The following ARHGAP22 variants were observed in gnomAD, a reference collection of about 807,000 sequenced individuals.
The protein encoded by ARHGAP22 is Rho GTPase activating protein 22.
A neutral mutation model predicts 59.1 loss-of-function variants in ARHGAP22; 48 were observed. That is an observed-to-expected ratio of 0.81 (90% CI 0.64 to 1.03). The LOEUF (loss-of-function observed/expected upper bound fraction) is 1.03, where lower values mean the gene tolerates loss of function less well. Among genes scored for constraint, ARHGAP22 ranks in the 50% least tolerant of loss-of-function variants. The probability of loss-of-function intolerance (pLI) is 0.00; values close to 1 mark genes in which losing one functional copy is unlikely to be tolerated. For missense variants in ARHGAP22, 1,015 were observed against 958.7 expected (o/e 1.06, Z -0.78); for synonymous variants, 445 against 416.4 (o/e 1.07, Z -0.84).
chr10:48,578,524 A>ATGTGTGTGTGTG (rs3076347), intron 2 of ARHGAP22, among the ~76,000 whole-genome samples: 2 of 150,070 alleles, frequency 1.3e-5, no homozygotes, highest in African/African-American at 4.9e-5. Context: ...TATGCAGTGT[A>ATGTGTGTGTGTG]TGTGTGTGTG....
chr10:48,567,648 TA>T (rs978857608), intron 2 of ARHGAP22, among the ~76,000 whole-genome samples: 4 of 152,068 alleles, frequency 2.6e-5, no homozygotes, highest in African/African-American at 9.7e-5. Flanking sequence ...GGGGCCATGG[TA>T]TGGGGTTCTG....
chr10:48,516,792 G>A (rs147110855), intron 3 of ARHGAP22, among the ~76,000 whole-genome samples: 1 of 152,090 alleles, frequency 6.6e-6, no homozygotes, highest in Non-Finnish European at 1.5e-5. Context: ...GACATCACAA[G>A]AAAACTACAG....
At chr10:48,638,647 T>C (rs138376046) in intron 1 of ARHGAP22, among the ~76,000 whole-genome samples, 79 of 152,302 alleles carry the variant, frequency 5.2e-4, no homozygotes, top group African/African-American at 1.8e-3. Context: ...TAGTCCCATC[T>C]CCATGCTATT....
chr10:48,621,599 C>A (rs2061288818), intron 1 of ARHGAP22, among the ~76,000 whole-genome samples: 2 of 152,128 alleles, frequency 1.3e-5, no homozygotes, highest in African/African-American at 4.8e-5. Flanking sequence ...TACATTTGAC[C>A]CTGGGTGGCC....
At position 48,450,834 on chromosome 10, in the gene ARHGAP22, AAGG is replaced by A. The variant is rs1173373682; in HGVS notation, c.1292_1294del (p.Ser431del). ...TCCCGATAGGGACCTCGGCTGCCGG[AAGG>A]AGGACTTCCAACTGGGCAGGGTCTG... On this transcript the variant is annotated inframe_deletion, in exon 9 of 10. Transcript: ENST00000249601. 6.3e-7 allele frequency: 1 copy of A among 1,589,210 alleles called. No individual in the cohort carries two copies. Among genetic ancestry groups the A allele is most frequent in the South Asian group, 1.2e-5 (1 of 86,210 alleles).
chr10:48,538,997 A>G (rs1051322880), intron 3 of ARHGAP22, among the ~76,000 whole-genome samples: 5 of 152,230 alleles, frequency 3.3e-5, no homozygotes, highest in Non-Finnish European at 7.3e-5. Context: ...TAAAGTGGGG[A>G]AGAAGAAATG....
intron 1 of ARHGAP22, among the ~76,000 whole-genome samples, chr10:48,619,027 A>G (rs1324888565): frequency 1.3e-5 from 2 of 152,250 alleles, no homozygotes; most frequent in East Asian, 1.9e-4. Flanking sequence ...TCAGCATACA[A>G]AAGCCTATAG....
At chr10:48,554,086 G>A (rs922066897) in intron 3 of ARHGAP22, among the ~76,000 whole-genome samples, 1 of 152,164 alleles carries the variant, frequency 6.6e-6, no homozygotes, top group African/African-American at 2.4e-5. Context: ...CTTCTGATGT[G>A]CAGTTTTACC....
At chr10:48,638,449 T>C (rs2061914620) in intron 1 of ARHGAP22, among the ~76,000 whole-genome samples, 1 of 152,130 alleles carries the variant, frequency 6.6e-6, no homozygotes, top group African/African-American at 2.4e-5. Flanking sequence ...CCCTGGCTTC[T>C]GCAGGATTAC....
intron 2 of ARHGAP22, among the ~76,000 whole-genome samples, chr10:48,576,450 C>T (rs1588897969): frequency 6.6e-6 from 1 of 152,222 alleles, no homozygotes; most frequent in African/African-American, 2.4e-5. Context: ...TATGGACTTA[C>T]ATGAAGATAG....
At chr10:48,576,190 G>A (rs1281967813) in intron 2 of ARHGAP22, among the ~76,000 whole-genome samples, 1 of 152,160 alleles carries the variant, frequency 6.6e-6, no homozygotes, top group Non-Finnish European at 1.5e-5. Flanking sequence ...CAGACACATA[G>A]CATCCATGGA....
intron 6 of ARHGAP22, among the ~76,000 whole-genome samples, 197 bp downstream of exon 6, chr10:48,454,805 C>T (rs1483170354): frequency 3.3e-5 from 5 of 152,078 alleles, no homozygotes; most frequent in African/African-American, 7.2e-5. Context: ...CAGCCCTCCC[C>T]GACCTGAGCA....
At chr10:48,603,272 G>T (rs2135906228) in intron 1 of ARHGAP22, among the ~76,000 whole-genome samples, 1 of 152,320 alleles carries the variant, frequency 6.6e-6, no homozygotes, top group East Asian at 1.9e-4. Context: ...CTTTGCTGAA[G>T]CACTGGTCTC....
intron 3 of ARHGAP22, among the ~76,000 whole-genome samples, chr10:48,511,259 C>T (rs970060185): frequency 5.9e-5 from 9 of 152,246 alleles, no homozygotes; most frequent in South Asian, 2.1e-4. Flanking sequence ...TCGTGGCACA[C>T]GGCAGCCCTG....
chr10:48,446,125 A>G lies in ARHGAP22; in HGVS notation c.*266T>C. On this transcript the variant is annotated 3_prime_UTR_variant, in exon 10 of 10. Transcript: ENST00000249601. The stretch of plus-strand genomic sequence containing the variant: ...CCCTCCATTTCTGTGGCCATGAAGG[A>G]TATTTCCTGGGTAAGGGCTAAGCGC... 2.1e-6 allele frequency: 1 copy of G among 487,090 alleles called. No homozygotes were observed. Among genetic ancestry groups the G allele is most frequent in the South Asian group, 3.6e-5 (1 of 27,940 alleles). The allele number at this position is 487,090 out of a possible 1,614,324, so 30.2% of individuals were successfully genotyped here. A position where few individuals can be genotyped will look rare whatever the true frequency, so the allele number is the denominator to read the frequency against.
intron 1 of ARHGAP22, among the ~76,000 whole-genome samples, chr10:48,588,938 A>G (rs576811720): frequency 6.6e-6 from 1 of 152,280 alleles, no homozygotes; most frequent in Admixed American, 6.5e-5. Context: ...GAAGGATACT[A>G]GAGTGTGGGA....
intron 3 of ARHGAP22, among the ~76,000 whole-genome samples, chr10:48,480,614 T>C (rs2049205086): frequency 6.6e-6 from 1 of 152,134 alleles, no homozygotes; most frequent in African/African-American, 2.4e-5. Context: ...GACCCAGGGA[T>C]GGAGAGCAGA....
upstream of ARHGAP22, chr10:48,656,183 G>A (rs952480382): frequency 1.3e-5 from 2 of 151,628 alleles, no homozygotes; most frequent in Non-Finnish European, 2.9e-5. Flanking sequence ...TCCGTGTGAT[G>A]AGCAGGCGAG....
intron 3 of ARHGAP22, among the ~76,000 whole-genome samples, chr10:48,547,413 G>A (rs188647663): frequency 1.9e-3 from 282 of 152,346 alleles, no homozygotes; most frequent in African/African-American, 6.6e-3. Context: ...TGGGGAGTTG[G>A]GGGGGAGGCC....
Sources: gnomAD v4.1 joint callset for allele counts (sites outside exome capture counted in the v4.1 genomes callset) on GRCh38, gnomAD v4.1.1 for gene constraint, MANE v1.5 for transcripts, NCBI Gene and HGNC (gene_info 2026-07-23, HGNC 2026-07-21) for gene names.